LSAMP: variants seen among roughly 807,000 people sequenced by gnomAD.
LSAMP encodes limbic system-associated membrane protein.
A neutral mutation model predicts 38.6 loss-of-function variants in LSAMP; 7 were observed. That is an observed-to-expected ratio of 0.18 (90% CI 0.10 to 0.34). The LOEUF (loss-of-function observed/expected upper bound fraction) is 0.34, where lower values mean the gene tolerates loss of function less well. Ranked by LOEUF, LSAMP falls within the 10% of genes least tolerant of loss-of-function variation. The pLI, the probability that LSAMP is intolerant of heterozygous loss-of-function variation, is 1.00. For synonymous variants in LSAMP, 154 were observed against 166.8 expected (o/e 0.92, Z 0.59); for missense variants, 313 against 420.0 (o/e 0.75, Z 2.23).
intron 1 of LSAMP, among the ~76,000 whole-genome samples, chr3:116,437,054 T>TATATAC (rs1553736338): frequency 6.7e-6 from 1 of 150,158 alleles, no homozygotes; most frequent in Non-Finnish European, 1.5e-5. Flanking sequence ...TATATATATA[T>TATATAC]ACACACACAC....
At chr3:116,295,053 C>T (rs12491423) in intron 1 of LSAMP, among the ~76,000 whole-genome samples, 20,094 of 151,870 alleles carry the variant, frequency 0.13, 1,511 homozygotes, top group Admixed American at 0.19. Context: ...TATAAGAATG[C>T]CCCTGTATGG....
intron 3 of LSAMP, among the ~76,000 whole-genome samples, chr3:116,011,260 T>C (rs1000963025): frequency 6.6e-6 from 1 of 152,008 alleles, no homozygotes; most frequent in African/African-American, 2.4e-5. Flanking sequence ...AATGAGCACA[T>C]AGTTAAAATG....
chr3:115,833,908 G>T (rs1370659954), intron 6 of LSAMP, among the ~76,000 whole-genome samples: 2 of 152,074 alleles, frequency 1.3e-5, no homozygotes, highest in African/African-American at 4.8e-5. Context: ...AGTTGTGGCT[G>T]CACCTTGCGT....
chr3:116,277,980 C>T (rs532008584), intron 1 of LSAMP, among the ~76,000 whole-genome samples: 1 of 152,282 alleles, frequency 6.6e-6, no homozygotes, highest in African/African-American at 2.4e-5. Flanking sequence ...CACTATTTAA[C>T]ATTATCTGTA....
At chr3:116,294,028 C>A (rs1017439667) in intron 1 of LSAMP, among the ~76,000 whole-genome samples, 2 of 151,944 alleles carry the variant, frequency 1.3e-5, no homozygotes, top group African/African-American at 2.4e-5. Flanking sequence ...GATTCTCTAG[C>A]TGAAAGGATG....
chr3:115,939,716 GATTA>G (rs1937845103), intron 3 of LSAMP, among the ~76,000 whole-genome samples: 1 of 151,926 alleles, frequency 6.6e-6, no homozygotes, highest in Admixed American at 6.6e-5. Context: ...TATTATACTT[GATTA>G]ATTATTTTAT....
chr3:116,275,381 T>C (rs542828057), intron 1 of LSAMP, among the ~76,000 whole-genome samples: 1 of 152,274 alleles, frequency 6.6e-6, no homozygotes, highest in East Asian at 1.9e-4. Context: ...TTTTCTCTAT[T>C]CTTCTCTTTA....
intron 1 of LSAMP, among the ~76,000 whole-genome samples, chr3:116,444,348 ATG>A (rs143050946): frequency 3.5e-4 from 50 of 144,568 alleles, no homozygotes; most frequent in African/African-American, 3.9e-4. Context: ...CAACCTTGAT[ATG>A]TGTGTGTGTG....
chr3:115,819,055 C>G (rs948090471), intron 6 of LSAMP, among the ~76,000 whole-genome samples: 1 of 151,340 alleles, frequency 6.6e-6, no homozygotes, highest in South Asian at 2.1e-4. Flanking sequence ...GAAGCTGAGG[C>G]AGGAGAATCA....
At chr3:116,334,140 C>T (rs1007167136) in intron 1 of LSAMP, among the ~76,000 whole-genome samples, 4 of 151,848 alleles carry the variant, frequency 2.6e-5, no homozygotes, top group African/African-American at 4.8e-5. Context: ...AATTAGAAAA[C>T]CTAGCTGAAA....
intron 1 of LSAMP, among the ~76,000 whole-genome samples, chr3:116,166,236 C>T (rs1415575081): frequency 1.3e-5 from 2 of 152,218 alleles, no homozygotes; most frequent in African/African-American, 4.8e-5. Flanking sequence ...CACAACTGCT[C>T]TCTCTCTAGC....
At chr3:116,049,254 A>G (rs1246420849) in intron 2 of LSAMP, among the ~76,000 whole-genome samples, 1 of 152,210 alleles carries the variant, frequency 6.6e-6, no homozygotes, top group East Asian at 1.9e-4. Flanking sequence ...TTTTGGCCAC[A>G]TAAGTGGCTG....
At chr3:116,289,128 C>G (rs1340481691) in intron 1 of LSAMP, among the ~76,000 whole-genome samples, 1 of 152,002 alleles carries the variant, frequency 6.6e-6, no homozygotes, top group East Asian at 1.9e-4. Flanking sequence ...GCATCTATAG[C>G]AATCAGAGAA....
chr3:115,878,453 C>CT lies in LSAMP; in HGVS notation c.515-25837dup, dbSNP rs3087024. Among the ~76,000 whole-genome samples the CT allele has an allele frequency of 5.0e-3, 280 of 55,540 alleles. 36 individuals are homozygous for CT. The highest frequency in any genetic ancestry group is 7.1e-3 in the East Asian group (11 of 1,560). The allele number at this position is 55,540 out of a possible 152,430, so 36.4% of individuals were successfully genotyped here. A position where few individuals can be genotyped will look rare whatever the true frequency, so the allele number is the denominator to read the frequency against. Reference sequence around the variant, plus strand: ...CTTGATACTTTGAGAACATGCTATTCTTTTTTTTTTTTTTTTTTTTTTTTT... The same window carrying CT: ...CTTGATACTTTGAGAACATGCTATTCTTTTTTTTTTTTTTTTTTTTTTTTTT... On this transcript the variant is annotated intron_variant, in intron 3 of 6. Transcript: ENST00000490035.
intron 1 of LSAMP, among the ~76,000 whole-genome samples, chr3:116,412,664 T>C (rs2048995256): frequency 6.6e-6 from 1 of 152,088 alleles, no homozygotes; most frequent in Non-Finnish European, 1.5e-5. Flanking sequence ...TCTAAAGAAA[T>C]ACTAATCCCC....
At chr3:115,922,638 G>C (rs1937408925) in intron 3 of LSAMP, among the ~76,000 whole-genome samples, 1 of 151,734 alleles carries the variant, frequency 6.6e-6, no homozygotes, top group Non-Finnish European at 1.5e-5. Flanking sequence ...CTTTTTATTT[G>C]GGTCCACACA....
chr3:116,226,503 C>T (rs1337134901), intron 1 of LSAMP, among the ~76,000 whole-genome samples: 1 of 152,218 alleles, frequency 6.6e-6, no homozygotes. Context: ...ACACCATCCT[C>T]TGGCTTACAG....
At chr3:116,212,557 C>T (rs942908267) in intron 1 of LSAMP, among the ~76,000 whole-genome samples, 1 of 148,076 alleles carries the variant, frequency 6.8e-6, no homozygotes, top group African/African-American at 2.5e-5. Context: ...AATAAAACTT[C>T]AAAAAAAAAA....
At chr3:116,194,728 A>G (rs571000858) in intron 1 of LSAMP, among the ~76,000 whole-genome samples, 2 of 152,190 alleles carry the variant, frequency 1.3e-5, no homozygotes, top group African/African-American at 4.8e-5. Context: ...TACGCCTCCT[A>G]TCCTTCCCAA....
Sources: allele counts gnomAD v4.1 joint callset (sites outside exome capture counted in the v4.1 genomes callset), GRCh38; gene constraint gnomAD v4.1.1; transcripts MANE v1.5; gene names NCBI Gene and HGNC (gene_info 2026-07-23, HGNC 2026-07-21).